Variants in SIRT5 observed in about 807,000 individuals in gnomAD.
SIRT5 encodes sirtuin 5, also known as NAD-dependent protein deacylase sirtuin-5, mitochondrial.
SIRT5 carries 26 observed loss-of-function variants against 40.0 expected under a neutral mutation model. The ratio of observed to expected loss-of-function variants is 0.65; its 90% CI spans 0.48 to 0.90. SIRT5 has a LOEUF of 0.90. Ranked by LOEUF, SIRT5 falls within the 40% of genes least tolerant of loss-of-function variation. SIRT5 has a pLI of 0.00. For missense variants in SIRT5, 401 were observed against 402.4 expected (o/e 1.00, Z 0.03); for synonymous variants, 146 against 149.1 (o/e 0.98, Z 0.15).
intron 1 of SIRT5, among the ~76,000 whole-genome samples, chr6:13,575,494 C>A (rs1027812955): frequency 9.9e-5 from 15 of 152,060 alleles, no homozygotes; most frequent in African/African-American, 3.6e-4. Context: ...TTTTGCAGTT[C>A]ATTGCATTAT....
In SIRT5 at chr6:13,611,769, T is replaced by A. The variant is rs940012779; in HGVS notation, c.858-21T>A. The A allele has an allele frequency of 1.9e-6, 3 of 1,577,256 alleles. No individual in the cohort carries two copies. In the Admixed American group the frequency reaches 5.0e-5, roughly 26 times the overall value. Reference sequence around the variant, plus strand: ...GCTAACCTGTAGTTCAAAACTGCTGTATTTGCTTCTTCTCTTTCAGGTTTC... The same window carrying A: ...GCTAACCTGTAGTTCAAAACTGCTGAATTTGCTTCTTCTCTTTCAGGTTTC... On this transcript the variant is annotated intron_variant, in intron 9 of 9. Coordinates refer to ENST00000606117, the MANE Select transcript of SIRT5 (RefSeq NM_012241.5).
At chr6:13,604,661 T>G in intron 9 of SIRT5, 1 of 1,413,580 alleles carries the variant, frequency 7.1e-7, no homozygotes, top group South Asian at 1.6e-5. Context: ...CAGCATCCCT[T>G]GGATATGGTG....
intron 9 of SIRT5, chr6:13,605,406 A>T (rs1299319749): frequency 1.0e-6 from 1 of 985,056 alleles, no homozygotes; most frequent in Non-Finnish European, 1.2e-6. Context: ...TAGGTTACGG[A>T]GAAAAAAAAA....
At chr6:13,599,383 T>A (rs148347280) in intron 8 of SIRT5, among the ~76,000 whole-genome samples, 6 of 152,314 alleles carry the variant, frequency 3.9e-5, no homozygotes, top group Non-Finnish European at 8.8e-5. Flanking sequence ...AAACCATGCA[T>A]GTCTTGGGCA....
In SIRT5 at chr6:13,613,972, C is replaced by T. The variant is rs1334033650; in HGVS notation, c.*2107C>T. ...CTCTCATACTGAACCTCTGGTTCAG[C>T]AGCTTTTTTTGTTGTTGTTGTTTTC... On this transcript the variant is annotated 3_prime_UTR_variant, in exon 10 of 10. Transcript: ENST00000606117. 1 of 152,160 alleles carries T rather than the reference C, an allele frequency of 6.6e-6. No homozygotes were observed. Among genetic ancestry groups the T allele is most frequent in the Non-Finnish European group, 1.5e-5 (1 of 68,020 alleles). The allele number at this position is 152,160 out of a possible 1,614,324, so 9.4% of individuals were successfully genotyped here. A position where few individuals can be genotyped will look rare whatever the true frequency, so the allele number is the denominator to read the frequency against.
chr6:13,603,406 G>C (rs552026147), intron 9 of SIRT5, among the ~76,000 whole-genome samples: 1 of 151,130 alleles, frequency 6.6e-6, no homozygotes, highest in East Asian at 1.9e-4. Context: ...ATAATAAAAA[G>C]ACAATCCAAT....
intron 1 of SIRT5, among the ~76,000 whole-genome samples, chr6:13,578,574 G>A (rs1332503068): frequency 4.9e-5 from 7 of 142,252 alleles, no homozygotes; most frequent in South Asian, 2.2e-4. Context: ...TGGAGACGGC[G>A]CCACTGCACT....
chr6:13,599,558 AGTTACC>A (rs1260230585), intron 8 of SIRT5, among the ~76,000 whole-genome samples: 1 of 152,260 alleles, frequency 6.6e-6, no homozygotes, highest in Non-Finnish European at 1.5e-5. Context: ...ATCCAGAAAT[AGTTACC>A]GTTAGCAGTT....
At chr6:13,584,639 G>A (rs1008313303) in intron 3 of SIRT5, among the ~76,000 whole-genome samples, 3 of 152,154 alleles carry the variant, frequency 2.0e-5, no homozygotes, top group African/African-American at 7.2e-5. Context: ...ATGAGCCACC[G>A]CGCCCACCTG....
At chr6:13,604,770 C>G in intron 9 of SIRT5, 1 of 1,191,704 alleles carries the variant, frequency 8.4e-7, no homozygotes, top group Non-Finnish European at 1.0e-6. Context: ...CAAGTCAAGC[C>G]TCCTAAAACC....
In SIRT5 at chr6:13,584,061, G is replaced by C; in HGVS notation, c.-35-15G>C. On this transcript the variant is annotated splice_polypyrimidine_tract_variant and intron_variant, in intron 2 of 9. Transcript: ENST00000606117. ...GATTGTTTCTACACTATTTGTTTTTGTGATTTTTCTAAAGCCCGCCTCAAG... is the reference window on the plus strand; with the variant it reads ...GATTGTTTCTACACTATTTGTTTTTCTGATTTTTCTAAAGCCCGCCTCAAG... The C allele has an allele frequency of 7.7e-7, 1 of 1,292,168 alleles. No homozygotes were observed. Among genetic ancestry groups the C allele is most frequent in the South Asian group, 1.2e-5 (1 of 80,130 alleles). The allele number at this position is 1,292,168 out of a possible 1,614,324, so 80.0% of individuals were successfully genotyped here.
At chr6:13,581,367 C>A (rs766823761) in intron 2 of SIRT5, among the ~76,000 whole-genome samples, 1 of 151,988 alleles carries the variant, frequency 6.6e-6, no homozygotes, top group South Asian at 2.1e-4. Context: ...GAACGCCCCT[C>A]AGCTTGAGTT....
At chr6:13,609,609 A>G (rs1763577269) in intron 9 of SIRT5, among the ~76,000 whole-genome samples, 1 of 152,218 alleles carries the variant, frequency 6.6e-6, no homozygotes, top group African/African-American at 2.4e-5. Context: ...GCTTCTCAGT[A>G]TCAAAGTGAC....
intron 7 of SIRT5, among the ~76,000 whole-genome samples, chr6:13,598,820 C>T (rs1178045701): frequency 1.5e-5 from 2 of 133,310 alleles, no homozygotes; most frequent in African/African-American, 2.8e-5. Context: ...AGTGAGACTC[C>T]GTCTCAAAAA....
chr6:13,596,982 C>A lies in SIRT5; in HGVS notation c.583C>A (p.Gln195Lys), dbSNP rs1397854727. Residue 195 changes from glutamine (Q) to lysine (K), a missense_variant, in exon 7 of 10, where the codon CAA becomes AAA. Physicochemically the swap from Gln to Lys is moderately conservative, Grantham distance 53. Transcript: ENST00000606117. ...CTTCAGTGCTCCAGAACCTGGAACT[C>A]AAGATGCCAGCATCCCAGTTGAGAA... ...SGKGAPEPGT[Q>K]DASIPVEKLP... 6.2e-7 allele frequency: 1 copy of A among 1,611,730 alleles called. No homozygotes were observed.
chr6:13,609,180 A>G (rs939525126), intron 9 of SIRT5, among the ~76,000 whole-genome samples: 1 of 152,212 alleles, frequency 6.6e-6, no homozygotes, highest in Non-Finnish European at 1.5e-5. Context: ...CCATGTTTCT[A>G]TGGCTGAGTG....
intron 5 of SIRT5, among the ~76,000 whole-genome samples, chr6:13,592,787 T>G (rs1761095075): frequency 6.6e-6 from 1 of 152,202 alleles, no homozygotes; most frequent in Admixed American, 6.5e-5. Context: ...CATCCACTTG[T>G]CCACAGTCAT....
chr6:13,587,473 G>A (rs1390879482), intron 3 of SIRT5, among the ~76,000 whole-genome samples: 2 of 151,590 alleles, frequency 1.3e-5, no homozygotes, highest in African/African-American at 2.4e-5. Context: ...CCTGCTTCTT[G>A]TCCTAGGATG....
chr6:13,576,159 G>A (rs1471786888), intron 1 of SIRT5, among the ~76,000 whole-genome samples: 2 of 152,148 alleles, frequency 1.3e-5, no homozygotes, highest in South Asian at 2.1e-4. Flanking sequence ...CAATTCCTTT[G>A]TATATATACC....
Sources: allele counts gnomAD v4.1 joint callset (sites outside exome capture counted in the v4.1 genomes callset), GRCh38; gene constraint gnomAD v4.1.1; transcripts MANE v1.5; gene names NCBI Gene and HGNC (gene_info 2026-07-23, HGNC 2026-07-21).